Variants in FBXW8 observed in about 807,000 individuals in gnomAD.
The protein encoded by FBXW8 is F-box/WD repeat-containing protein 8.
FBXW8 carries 57 observed loss-of-function variants against 65.3 expected under a neutral mutation model. That is an observed-to-expected ratio of 0.87 (90% CI 0.71 to 1.09). The LOEUF is 1.09. FBXW8 is among the 50% of genes least tolerant of loss of function. The probability of loss-of-function intolerance (pLI) is 0.00; values close to 1 mark genes in which losing one functional copy is unlikely to be tolerated. For synonymous variants in FBXW8, 308 were observed against 330.2 expected (o/e 0.93, Z 0.73); for missense variants, 777 against 814.8 (o/e 0.95, Z 0.57).
At chr12:116,991,396 G>C (rs1253672091) in intron 7 of FBXW8, among the ~76,000 whole-genome samples, 1 of 152,206 alleles carries the variant, frequency 6.6e-6, no homozygotes, top group Non-Finnish European at 1.5e-5. Context: ...AGCTCTGTGT[G>C]AATTAAGTCA....
chr12:117,006,516 C>A (rs888457749), intron 7 of FBXW8, among the ~76,000 whole-genome samples: 1 of 152,372 alleles, frequency 6.6e-6, no homozygotes, highest in Non-Finnish European at 1.5e-5. Context: ...CGCCTGCCCA[C>A]GGCGGTGGCT....
intron 2 of FBXW8, among the ~76,000 whole-genome samples, chr12:116,935,101 G>A (rs1202697540): frequency 6.6e-6 from 1 of 152,120 alleles, no homozygotes; most frequent in Non-Finnish European, 1.5e-5. Flanking sequence ...CATAAGTAAT[G>A]ATGTCATGTT....
At chr12:116,932,714 A>G (rs570076343) in intron 2 of FBXW8, among the ~76,000 whole-genome samples, 1 of 152,176 alleles carries the variant, frequency 6.6e-6, no homozygotes, top group East Asian at 1.9e-4. Context: ...TTGTATTTTT[A>G]GTAGAGACGG....
Position 117,028,293 on chromosome 12 carries a change from C to T in FBXW8, c.*121C>T. The T allele has an allele frequency of 8.1e-7, 1 of 1,230,336 alleles. No homozygotes were observed. Among genetic ancestry groups the T allele is most frequent in the Non-Finnish European group, 1.1e-6 (1 of 886,574 alleles). 76.2% of individuals were successfully genotyped at this position (1,230,336 alleles called of 1,614,324 possible). A position where few individuals can be genotyped will look rare whatever the true frequency, so the allele number is the denominator to read the frequency against. ...AGGGGAAGAAAGCAGCCCAGGGTGC[C>T]ATGCCTGACAGCACGCATCTCCCTG... On this transcript the variant is annotated 3_prime_UTR_variant, in exon 11 of 11. Transcript: ENST00000652555. This position sits in a 1 kb window ranked among gnomAD's most constrained non-coding sequence, Gnocchi z 4.1.
rs114522522 is a variant in FBXW8, at chr12:116,952,140, T to A, written c.677+2434T>A. On this transcript the variant is annotated intron_variant, in intron 4 of 10. Transcript: ENST00000652555. ...ACCTCTGACTGCATCATTTTTTTAGTTAAGATACAGTCATATGCTGCATAA... is the reference window on the plus strand; with the variant it reads ...ACCTCTGACTGCATCATTTTTTTAGATAAGATACAGTCATATGCTGCATAA... Among the ~76,000 whole-genome samples the A allele has an allele frequency of 1.9e-3, 290 of 152,334 alleles. 2 individuals are homozygous for A. Among genetic ancestry groups the A allele is most frequent in the African/African-American group, 6.8e-3 (282 of 41,568 alleles).
intron 5 of FBXW8, among the ~76,000 whole-genome samples, chr12:116,966,654 C>A (rs1020635214): frequency 6.6e-6 from 1 of 152,148 alleles, no homozygotes; most frequent in Non-Finnish European, 1.5e-5. Context: ...GAATTGTCTT[C>A]ATTGCCCTCA....
At chr12:116,940,624 T>G (rs1882503073) in intron 2 of FBXW8, among the ~76,000 whole-genome samples, 1 of 152,040 alleles carries the variant, frequency 6.6e-6, no homozygotes, top group South Asian at 2.1e-4. Context: ...TTAAGCTGAT[T>G]AGCAATCTTT....
At chr12:117,019,741 A>G (rs937955848) in intron 8 of FBXW8, among the ~76,000 whole-genome samples, 3 of 152,148 alleles carry the variant, frequency 2.0e-5, no homozygotes, top group Non-Finnish European at 4.4e-5. Flanking sequence ...GTGACTGTTG[A>G]AGGCCTCCCG....
intron 5 of FBXW8, among the ~76,000 whole-genome samples, chr12:116,965,936 T>C (rs916538120): frequency 6.6e-6 from 1 of 151,106 alleles, no homozygotes; most frequent in African/African-American, 2.4e-5. Context: ...TTTTTTTTTT[T>C]TTTTTTTTAA....
At chr12:117,009,041 C>G (rs1953743467) in intron 7 of FBXW8, among the ~76,000 whole-genome samples, 1 of 152,116 alleles carries the variant, frequency 6.6e-6, no homozygotes, top group South Asian at 2.1e-4. Context: ...GCACTCCAGC[C>G]TGGGCGATAG....
intron 7 of FBXW8, 34 bp downstream of exon 7, chr12:116,988,903 A>G (rs1189465267): frequency 6.4e-7 from 1 of 1,567,398 alleles, no homozygotes; most frequent in South Asian, 1.1e-5. Flanking sequence ...ATTAACAAAA[A>G]AGAATATAGA....
intron 1 of FBXW8, among the ~76,000 whole-genome samples, chr12:116,914,020 C>A (rs1045283576): frequency 1.6e-4 from 25 of 152,102 alleles, no homozygotes; most frequent in African/African-American, 5.8e-4. Context: ...ACCTGTAATC[C>A]CACCACTTTG....
At chr12:116,970,480 C>G (rs1018735178) in intron 5 of FBXW8, among the ~76,000 whole-genome samples, 1 of 152,152 alleles carries the variant, frequency 6.6e-6, no homozygotes, top group Non-Finnish European at 1.5e-5. Flanking sequence ...CATTTACTGA[C>G]GTATCAACAA....
rs1384517939 is a variant in FBXW8, at chr12:116,911,326, C to T, written c.289C>T (p.Gln97Ter). Residue 97 changes from glutamine (Q) to a stop codon, truncating the protein, a stop_gained, in exon 1 of 11, where the codon CAG becomes TAG. Coordinates refer to ENST00000652555, the MANE Select transcript of FBXW8 (RefSeq NM_153348.3). LOFTEE classifies it high-confidence loss of function. ...CCGCGAGGGCGCCGGGGGCGGGGAG[C>T]AGCTGGTGGACCAGCTCATCCGCGA... is the stretch of plus-strand genomic sequence containing the variant. Reference protein sequence around the residue: ...LAREGAGGGEQLVDQLIRDLN... With the variant: ...LAREGAGGGE 5.4e-6 allele frequency: 7 copies of T among 1,284,864 alleles called. No homozygotes were observed. The highest frequency in any genetic ancestry group is 6.9e-6 in the Non-Finnish European group (7 of 1,019,666). The allele number at this position is 1,284,864 out of a possible 1,614,324, so 79.6% of individuals were successfully genotyped here. A position where few individuals can be genotyped will look rare whatever the true frequency, so the allele number is the denominator to read the frequency against.
chr12:117,020,314 C>CT (rs1295664542), intron 8 of FBXW8, among the ~76,000 whole-genome samples: 7 of 151,900 alleles, frequency 4.6e-5, no homozygotes, highest in African/African-American at 1.5e-4. Context: ...ACCTCTTGGT[C>CT]TTTGTGTTTC....
intron 8 of FBXW8, among the ~76,000 whole-genome samples, chr12:117,023,204 A>G (rs536123085): frequency 2.6e-5 from 4 of 152,340 alleles, no homozygotes; most frequent in Admixed American, 2.6e-4. Context: ...GGCACGGGAC[A>G]TGTTTCAGAG....
At chr12:116,995,653 CTTAAA>C (rs1454625933) in intron 7 of FBXW8, among the ~76,000 whole-genome samples, 2 of 152,106 alleles carry the variant, frequency 1.3e-5, no homozygotes, top group East Asian at 1.9e-4. Flanking sequence ...AAAATGAATT[CTTAAA>C]TTAAATTGGA....
chr12:116,931,009 T>C (rs1293788567), intron 2 of FBXW8, among the ~76,000 whole-genome samples: 1 of 152,198 alleles, frequency 6.6e-6, no homozygotes, highest in East Asian at 1.9e-4. Flanking sequence ...GGTCTTGCTT[T>C]GTTACCCAGG....
At position 116,916,911 on chromosome 12, in the gene FBXW8, T is replaced by TGTGAGA. The variant is rs59006120; in HGVS notation, c.318+5557_318+5558insTGAGAG. On this transcript the variant is annotated intron_variant, in intron 1 of 10. Coordinates refer to ENST00000652555, the MANE Select transcript of FBXW8 (RefSeq NM_153348.3). Reference sequence around the variant, plus strand: ...GTGCGTGTGTGTGTGTGTGTGTGTGTGAGAGAGAGAGAGAGAAAGAGGTGT... The same window carrying TGTGAGA: ...GTGCGTGTGTGTGTGTGTGTGTGTGTGTGAGAGAGAGAGAGAGAGAGAAAGAGGTGT... 4.0e-3 allele frequency among the ~76,000 whole-genome samples: 578 copies of TGTGAGA among 145,586 alleles called. 3 individuals are homozygous for TGTGAGA. Among genetic ancestry groups the TGTGAGA allele is most frequent in the South Asian group, 0.015 (68 of 4,478 alleles).
Sources: allele counts gnomAD v4.1 joint callset (sites outside exome capture counted in the v4.1 genomes callset), GRCh38; gene constraint gnomAD v4.1.1; non-coding constraint Gnocchi (gnomAD v3.1); transcripts MANE v1.5; gene names NCBI Gene and HGNC (gene_info 2026-07-23, HGNC 2026-07-21).